Variants in CLPB observed in about 807,000 individuals in gnomAD.
CLPB encodes the protein mitochondrial disaggregase.
A neutral mutation model predicts 78.4 loss-of-function variants in CLPB; 40 were observed. The ratio of observed to expected loss-of-function variants is 0.51; its 90% CI spans 0.40 to 0.66. The LOEUF is 0.66. CLPB is among the 30% of genes least tolerant of loss of function. CLPB has a pLI of 0.00. For missense variants in CLPB, 780 were observed against 886.9 expected (o/e 0.88, Z 1.53); for synonymous variants, 333 against 348.0 (o/e 0.96, Z 0.48).
Position 72,330,391 on chromosome 11 carries a change from G to A in CLPB, c.776-587C>T, listed in dbSNP as rs184636943. ...TTGGTGGGTGAGTGCATGTGGCTGG[G>A]TATTTCCTCCAATCATTAGTTCCTG... On this transcript the variant is annotated intron_variant, in intron 5 of 15. Transcript: ENST00000538039. Among the ~76,000 whole-genome samples, 32 of 152,318 alleles carry A rather than the reference G, an allele frequency of 2.1e-4. 1 individual carries two copies. Among genetic ancestry groups the A allele is most frequent in the Admixed American group, 2.0e-3 (31 of 15,302 alleles).
chr11:72,408,078 A>C, intron 2 of CLPB: 1 of 1,479,798 alleles, frequency 6.8e-7, no homozygotes, highest in Non-Finnish European at 9.1e-7. Flanking sequence ...CCGAAATATA[A>C]AGGAAAGGGC....
chr11:72,308,858 G>A (rs1590774114), intron 7 of CLPB, among the ~76,000 whole-genome samples: 2 of 152,286 alleles, frequency 1.3e-5, no homozygotes, highest in Non-Finnish European at 2.9e-5. Flanking sequence ...AGCACTCAGC[G>A]TTGCTAGGGA....
chr11:72,330,591 C>T (rs1279849255), intron 5 of CLPB, among the ~76,000 whole-genome samples: 2 of 152,218 alleles, frequency 1.3e-5, no homozygotes, highest in African/African-American at 4.8e-5. Context: ...TCACAGCCTT[C>T]CCAAAGCCCA....
At chr11:72,377,760 G>A (rs1384958753) in intron 4 of CLPB, among the ~76,000 whole-genome samples, 1 of 152,150 alleles carries the variant, frequency 6.6e-6, no homozygotes, top group African/African-American at 2.4e-5. Context: ...AACTAGGAAT[G>A]CGAAAAGAAA....
intron 4 of CLPB, among the ~76,000 whole-genome samples, chr11:72,377,639 A>AAAAG (rs1854752151): frequency 6.7e-6 from 1 of 150,164 alleles, no homozygotes; most frequent in East Asian, 2.0e-4. Context: ...AAAAGAAAAG[A>AAAAG]AAGGGAAGCA....
intron 3 of CLPB, among the ~76,000 whole-genome samples, chr11:72,395,703 C>A (rs1855386398): frequency 6.6e-6 from 1 of 152,152 alleles, no homozygotes. Context: ...GAAGCCAGAC[C>A]AAGAATAGGT....
At chr11:72,293,869 A>C (rs534251510) in intron 15 of CLPB, among the ~76,000 whole-genome samples, 153 bp downstream of exon 15, 1 of 152,168 alleles carries the variant, frequency 6.6e-6, no homozygotes, top group East Asian at 1.9e-4. Flanking sequence ...CTTGGTGATC[A>C]TGTGTTTATG....
intron 3 of CLPB, among the ~76,000 whole-genome samples, chr11:72,394,629 C>T (rs972298527): frequency 2.0e-5 from 3 of 152,178 alleles, no homozygotes; most frequent in African/African-American, 4.8e-5. Flanking sequence ...TGCCAAACTA[C>T]GAGTGCATGC....
chr11:72,305,911 A>C (rs1949738551), intron 9 of CLPB, among the ~76,000 whole-genome samples: 1 of 152,226 alleles, frequency 6.6e-6, no homozygotes, highest in African/African-American at 2.4e-5. Context: ...CCTTTCTGAC[A>C]GTATTAAAAT....
chr11:72,334,592 C>A (rs981968850), intron 5 of CLPB, among the ~76,000 whole-genome samples: 2 of 152,248 alleles, frequency 1.3e-5, no homozygotes, highest in Non-Finnish European at 2.9e-5. Context: ...CAATAAATAA[C>A]CACGTTGGGC....
chr11:72,343,384 T>C (rs900081993), intron 5 of CLPB, among the ~76,000 whole-genome samples: 1 of 152,132 alleles, frequency 6.6e-6, no homozygotes, highest in African/African-American at 2.4e-5. Context: ...TAATATCAAA[T>C]GTTATAGGCT....
rs1441163240 is a variant in CLPB, at chr11:72,294,092, T to C, written c.1715A>G (p.Asp572Gly). 1.2e-6 allele frequency: 2 copies of C among 1,614,118 alleles called. No individual in the cohort carries two copies. Among genetic ancestry groups the C allele is most frequent in the Admixed American group, 1.7e-5 (1 of 60,028 alleles). The change falls in exon 15 of 16, where the codon GAC (aspartate) becomes GGC (glycine). Residue 572 changes from aspartate to glycine, a missense_variant. Coordinates refer to ENST00000538039, the MANE Select transcript of CLPB (RefSeq NM_001258392.3). ...KQRHNITLLWDREVADVLVDG... is the reference protein window; with the variant it reads ...KQRHNITLLWGREVADVLVDG... ...GACCAGCACATCTGCCACCTCGCGG[T>C]CCCAGAGCAGCGTGATGTTGTGCCT...
chr11:72,293,914 C>T, intron 15 of CLPB, 108 bp downstream of exon 15: 2 of 967,472 alleles, frequency 2.1e-6, no homozygotes, highest in Non-Finnish European at 3.2e-6. Flanking sequence ...GTGTGAATAT[C>T]CAGCAACCAA....
intron 15 of CLPB, 146 bp downstream of exon 15, chr11:72,293,876 T>C: frequency 1.3e-6 from 1 of 768,968 alleles, no homozygotes. Context: ...ATCATGTGTT[T>C]ATGGTTCTGA....
chr11:72,314,960 G>A (rs533796785), intron 7 of CLPB, among the ~76,000 whole-genome samples: 3 of 152,280 alleles, frequency 2.0e-5, no homozygotes, highest in South Asian at 4.2e-4. Flanking sequence ...TGTTAGATAC[G>A]TGTTTTGCAA....
rs779455684 is a variant in CLPB, at chr11:72,294,106, G to A, written c.1701C>T (p.Ile567=). 2 of 1,614,164 alleles carry A rather than the reference G, an allele frequency of 1.2e-6. No individual in the cohort carries two copies. Among genetic ancestry groups the A allele is most frequent in the African/African-American group, 1.3e-5 (1 of 75,068 alleles). ...WAKRAKQRHN[I]TLLWDREVAD... ...CCACCTCGCGGTCCCAGAGCAGCGTGATGTTGTGCCTTTGCTTGGCCTGAG... is the reference window on the plus strand; with the variant it reads ...CCACCTCGCGGTCCCAGAGCAGCGTAATGTTGTGCCTTTGCTTGGCCTGAG... The change falls in exon 15 of 16, where the codon ATC becomes ATT. Residue 567 remains isoleucine, a synonymous_variant. Transcript: ENST00000538039.
chr11:72,374,595 T>A (rs1951105606), intron 4 of CLPB, among the ~76,000 whole-genome samples: 1 of 152,210 alleles, frequency 6.6e-6, no homozygotes, highest in Non-Finnish European at 1.5e-5. Flanking sequence ...TAAGTAGGCT[T>A]CTTGCTAAAG....
chr11:72,426,872 G>T (rs1303720998), intron 2 of CLPB, among the ~76,000 whole-genome samples: 2 of 152,174 alleles, frequency 1.3e-5, no homozygotes, highest in African/African-American at 4.8e-5. Context: ...CTGACCTCCA[G>T]CTTCTCTTCC....
intron 7 of CLPB, among the ~76,000 whole-genome samples, chr11:72,315,959 G>T (rs1347773908): frequency 6.6e-6 from 1 of 152,180 alleles, no homozygotes; most frequent in African/African-American, 2.4e-5. Flanking sequence ...GCAACCACCG[G>T]GCTGCCTTAT....
Sources: allele counts gnomAD v4.1 joint callset (sites outside exome capture counted in the v4.1 genomes callset), GRCh38; gene constraint gnomAD v4.1.1; transcripts MANE v1.5; gene names NCBI Gene and HGNC (gene_info 2026-07-23, HGNC 2026-07-21).